Variants in PLEKHH2 observed in about 807,000 individuals in gnomAD.
The protein encoded by PLEKHH2 is pleckstrin homology domain-containing family H member 2.
In PLEKHH2, 129 loss-of-function variants were observed where a neutral mutation model predicts 187.9. The ratio of observed to expected loss-of-function variants is 0.69; its 90% confidence interval spans 0.59 to 0.79. PLEKHH2 has a LOEUF of 0.79. Ranked by LOEUF, PLEKHH2 falls within the 30% of genes least tolerant of loss-of-function variation. PLEKHH2 has a pLI of 0.00. For synonymous variants in PLEKHH2, 686 were observed against 605.6 expected (o/e 1.13, Z -1.95); for missense variants, 2,076 against 1,751.2 (o/e 1.19, Z -3.31).
At chr2:43,673,402 T>G (rs1667580874) in intron 2 of PLEKHH2, among the ~76,000 whole-genome samples, 2 of 152,228 alleles carry the variant, frequency 1.3e-5, no homozygotes, top group Non-Finnish European at 2.9e-5. Flanking sequence ...ATAATATTTT[T>G]AAATAAATGA....
chr2:43,681,347 C>A, intron 3 of PLEKHH2: 1 of 1,204,334 alleles, frequency 8.3e-7, no homozygotes, highest in Non-Finnish European at 1.2e-6. Flanking sequence ...ATTGGGGTCA[C>A]CTGTCATCAG....
chr2:43,713,801 T>G (rs1028914108), intron 15 of PLEKHH2, among the ~76,000 whole-genome samples: 4 of 152,068 alleles, frequency 2.6e-5, no homozygotes, highest in Non-Finnish European at 5.9e-5. Context: ...TCTGATTATG[T>G]AAGAGGTGGA....
At chr2:43,692,870 A>T (rs532221389) in intron 4 of PLEKHH2, among the ~76,000 whole-genome samples, 1 of 152,246 alleles carries the variant, frequency 6.6e-6, no homozygotes, top group Admixed American at 6.5e-5. Context: ...GGCAAGATCT[A>T]ACACTTTTTG....
chr2:43,720,635 G>T (rs1385196115), intron 15 of PLEKHH2, 34 bp from the exon 16 acceptor site: 2 of 1,604,274 alleles, frequency 1.2e-6, no homozygotes, highest in East Asian at 2.2e-5. Flanking sequence ...AGAGTTCTGG[G>T]CTAAACTTGT....
In PLEKHH2 at chr2:43,699,984, C is replaced by A. The variant is rs1436250298; in HGVS notation, c.1026C>A (p.Gly342=). 3.7e-6 allele frequency: 6 copies of A among 1,614,076 alleles called. No homozygotes were observed. The highest frequency in any genetic ancestry group is 5.1e-6 in the Non-Finnish European group (6 of 1,179,992). ...CTATATTTGAGGAAGAGACTTTTGG[C>A]ATAAAGAGACCAGAACACAAGAAGC... ...SSSIFEEETF[G]IKRPEHKKLY... The change falls in exon 8 of 30, where the codon GGC becomes GGA. Residue 342 remains glycine (G), a synonymous_variant. Transcript: ENST00000282406.
chr2:43,675,924 G>C (rs774712544), intron 2 of PLEKHH2: 19 of 1,613,906 alleles, frequency 1.2e-5, no homozygotes, highest in African/African-American at 5.3e-5. Flanking sequence ...AGTTGTAGTT[G>C]TCACCATACT....
intron 24 of PLEKHH2, among the ~76,000 whole-genome samples, chr2:43,748,196 C>T (rs1040995730): frequency 6.6e-6 from 1 of 152,180 alleles, no homozygotes; most frequent in Non-Finnish European, 1.5e-5. Context: ...TTCAGGGGCT[C>T]ATGAGCTGTG....
intron 2 of PLEKHH2, among the ~76,000 whole-genome samples, chr2:43,677,861 G>T (rs546871301): frequency 5.2e-4 from 76 of 145,188 alleles, no homozygotes; most frequent in African/African-American, 1.8e-3. Context: ...CGGACGGGGC[G>T]GCTGGCCGGG....
chr2:43,657,375 G>A (rs1046683416), intron 2 of PLEKHH2, among the ~76,000 whole-genome samples: 3 of 152,182 alleles, frequency 2.0e-5, no homozygotes, highest in Non-Finnish European at 4.4e-5. Flanking sequence ...TCAGCTGGGA[G>A]TGGTGAAACA....
chr2:43,672,779 C>A (rs2163652), intron 2 of PLEKHH2, among the ~76,000 whole-genome samples: 70,324 of 151,948 alleles, frequency 0.46, 16,896 homozygotes, highest in Non-Finnish European at 0.52. Context: ...TTATTCTCTT[C>A]CTTTTTTCAG....
chr2:43,693,200 C>G (rs1377712087), intron 4 of PLEKHH2, among the ~76,000 whole-genome samples: 1 of 152,182 alleles, frequency 6.6e-6, no homozygotes, highest in African/African-American at 2.4e-5. Context: ...GCTGGGATTA[C>G]AGGCATGAGC....
At chr2:43,722,117 A>G (rs887281985) in intron 16 of PLEKHH2, among the ~76,000 whole-genome samples, 1 of 151,278 alleles carries the variant, frequency 6.6e-6, no homozygotes, top group Non-Finnish European at 1.5e-5. Flanking sequence ...TTAGCCAGGC[A>G]TGGTGATGCA....
intron 2 of PLEKHH2, among the ~76,000 whole-genome samples, chr2:43,672,004 A>G (rs1039372685): frequency 6.6e-6 from 1 of 152,262 alleles, no homozygotes; most frequent in African/African-American, 2.4e-5. Context: ...TCATTCTTCT[A>G]TACATTTTTG....
intron 17 of PLEKHH2, among the ~76,000 whole-genome samples, chr2:43,727,185 G>C (rs144975807): frequency 6.6e-6 from 1 of 152,100 alleles, no homozygotes; most frequent in Non-Finnish European, 1.5e-5. Context: ...AGGCCGAGGC[G>C]GGTGGATCAC....
intron 2 of PLEKHH2, 79 bp downstream of exon 2, chr2:43,644,875 C>A (rs1666113607): frequency 2.9e-6 from 4 of 1,373,996 alleles, no homozygotes; most frequent in Non-Finnish European, 3.9e-6. Flanking sequence ...AATCTCAGTA[C>A]TTTGGGGGTT....
chr2:43,748,583 C>T (rs1189072478), intron 24 of PLEKHH2, among the ~76,000 whole-genome samples: 1 of 152,166 alleles, frequency 6.6e-6, no homozygotes, highest in Non-Finnish European at 1.5e-5. Flanking sequence ...GGGGTGGAGC[C>T]CAGGAGTCCC....
intron 3 of PLEKHH2, among the ~76,000 whole-genome samples, chr2:43,684,914 A>T (rs1438154131): frequency 6.6e-6 from 1 of 151,710 alleles, no homozygotes; most frequent in Non-Finnish European, 1.5e-5. Context: ...ACAACACTTT[A>T]AATTTATTTA....
rs370443652 is a variant in PLEKHH2, at chr2:43,641,538, G to A, written c.-3-3133G>A. Among the ~76,000 whole-genome samples, 15 of 152,114 alleles carry A rather than the reference G, an allele frequency of 9.9e-5. 1 individual carries two copies. Among genetic ancestry groups the A allele is most frequent in the African/African-American group, 3.6e-4 (15 of 41,466 alleles). ...AGCTCATCAGCTACCTTTAGTGTTA[G>A]TGTATTTTATGTGTGGCTCAAGACA... On this transcript the variant is annotated intron_variant, in intron 1 of 29. Coordinates refer to ENST00000282406, the MANE Select transcript of PLEKHH2 (RefSeq NM_172069.4).
chr2:43,688,237 C>CT (rs1192139459), intron 3 of PLEKHH2, among the ~76,000 whole-genome samples: 1 of 152,194 alleles, frequency 6.6e-6, no homozygotes, highest in Non-Finnish European at 1.5e-5. Flanking sequence ...CAACAATGGT[C>CT]TAATATCCAG....
Sources: gnomAD v4.1 joint callset for allele counts (sites outside exome capture counted in the v4.1 genomes callset) on GRCh38, gnomAD v4.1.1 for gene constraint, MANE v1.5 for transcripts, NCBI Gene and HGNC (gene_info 2026-07-23, HGNC 2026-07-21) for gene names.